CCDC169: variants seen among roughly 807,000 people sequenced by gnomAD.
CCDC169 encodes the protein coiled-coil domain containing 169.
A neutral mutation model predicts 36.0 loss-of-function variants in CCDC169; 30 were observed. The ratio of observed to expected loss-of-function variants is 0.83; its 90% CI spans 0.62 to 1.13. The LOEUF is 1.13. Ranked by LOEUF, CCDC169 falls within the 50% of genes most tolerant of loss-of-function variation. The pLI, the probability that CCDC169 is intolerant of heterozygous loss-of-function variation, is 0.00. For synonymous variants in CCDC169, 85 were observed against 81.5 expected (o/e 1.04, Z -0.23); for missense variants, 245 against 245.9 (o/e 1.00, Z 0.03).
At chr13:36,272,232 AC>A (rs1292022762) in intron 4 of CCDC169, among the ~76,000 whole-genome samples, 16 of 145,560 alleles carry the variant, frequency 1.1e-4, no homozygotes, top group South Asian at 8.9e-4. Context: ...AAAAAAAAAA[AC>A]CATTTGTACC....
At chr13:36,263,632 T>A (rs1363252965) in intron 4 of CCDC169, among the ~76,000 whole-genome samples, 1 of 152,196 alleles carries the variant, frequency 6.6e-6, no homozygotes, top group Non-Finnish European at 1.5e-5. Flanking sequence ...AAATGACACA[T>A]CCTCACTATA....
chr13:36,267,167 A>G (rs1472055525), intron 4 of CCDC169: 2 of 152,192 alleles, frequency 1.3e-5, no homozygotes, highest in Non-Finnish European at 2.9e-5. Context: ...GCCAACCAAG[A>G]GTACTCACTT....
At position 36,261,342 on chromosome 13, in the gene CCDC169, CCT is replaced by C. The variant is rs527463817; in HGVS notation, c.316-7201_316-7200del. Among the ~76,000 whole-genome samples the C allele has an allele frequency of 4.1e-4, 63 of 152,140 alleles. No homozygotes were observed. In the South Asian group the frequency reaches 6.7e-3, roughly 16 times the overall value. ...CCAATAAGAGACGACAACATAAGCCCCTGTTACTGTGCCATCCTTCAAGATCA... is the reference window on the plus strand; with the variant it reads ...CCAATAAGAGACGACAACATAAGCCCGTTACTGTGCCATCCTTCAAGATCA... On this transcript the variant is annotated intron_variant, in intron 4 of 7. Transcript: ENST00000239859.
rs544459166 is a variant in CCDC169, at chr13:36,286,945, C to T, written c.164-3243G>A. 4.7e-3 allele frequency among the ~76,000 whole-genome samples: 714 copies of T among 152,234 alleles called. 3 individuals are homozygous for T. The highest frequency in any genetic ancestry group is 8.1e-3 in the Non-Finnish European group (553 of 68,006). On this transcript the variant is annotated intron_variant, in intron 2 of 7. Coordinates refer to ENST00000239859, the MANE Select transcript of CCDC169 (RefSeq NM_001144981.3). ...TTCTCCTCTCCACTCCTTTCTTTTT[C>T]TCTTTTCCTGTTCAAACCAGGAAAC...
intron 1 of CCDC169, 113 bp downstream of exon 1, chr13:36,297,524 T>G (rs1009232666): frequency 1.4e-5 from 14 of 988,092 alleles, no homozygotes; most frequent in Non-Finnish European, 2.1e-5. Context: ...TGCCCAGGGG[T>G]TAATCACGGC....
At chr13:36,232,967 G>A (rs1264545718) in intron 7 of CCDC169, among the ~76,000 whole-genome samples, 1 of 152,162 alleles carries the variant, frequency 6.6e-6, no homozygotes, top group African/African-American at 2.4e-5. Flanking sequence ...ATGTGTAACT[G>A]TGGGTATGCA....
intron 4 of CCDC169, among the ~76,000 whole-genome samples, chr13:36,279,416 C>T (rs1440597746): frequency 6.6e-6 from 1 of 152,138 alleles, no homozygotes; most frequent in Admixed American, 6.6e-5. Context: ...TGTCTTTAGA[C>T]AGACTGACCC....
chr13:36,281,617 C>T (rs1877552229), intron 4 of CCDC169, among the ~76,000 whole-genome samples: 1 of 152,150 alleles, frequency 6.6e-6, no homozygotes, highest in Non-Finnish European at 1.5e-5. Context: ...CATCCCAGCA[C>T]TTTGGGAGGC....
At chr13:36,287,915 CA>C (rs1288317540) in intron 2 of CCDC169, among the ~76,000 whole-genome samples, 13 of 152,212 alleles carry the variant, frequency 8.5e-5, no homozygotes, top group Admixed American at 2.6e-4. Flanking sequence ...GAGTCATCAG[CA>C]AATACATTTA....
At chr13:36,257,291 C>T (rs977629610) in intron 4 of CCDC169, among the ~76,000 whole-genome samples, 1 of 152,204 alleles carries the variant, frequency 6.6e-6, no homozygotes, top group African/African-American at 2.4e-5. Context: ...GCAGGGCTAT[C>T]TCATAGCCCT....
intron 7 of CCDC169, among the ~76,000 whole-genome samples, chr13:36,244,203 T>C (rs376494897): frequency 2.0e-5 from 3 of 152,034 alleles, no homozygotes; most frequent in Non-Finnish European, 4.4e-5. Context: ...TTGGCTGGTA[T>C]CTGGAAACTT....
At chr13:36,235,486 T>TA (rs1870961467) in intron 7 of CCDC169, among the ~76,000 whole-genome samples, 1 of 151,942 alleles carries the variant, frequency 6.6e-6, no homozygotes, top group South Asian at 2.1e-4. Context: ...CTAAACCTGA[T>TA]AAAGAAAATC....
intron 4 of CCDC169, among the ~76,000 whole-genome samples, chr13:36,273,479 A>C (rs1876369280): frequency 6.6e-6 from 1 of 152,206 alleles, no homozygotes; most frequent in African/African-American, 2.4e-5. Flanking sequence ...GGCCCCACAC[A>C]CATACTGCCT....
At chr13:36,290,019 C>A (rs1185761079) in intron 2 of CCDC169, among the ~76,000 whole-genome samples, 1 of 151,962 alleles carries the variant, frequency 6.6e-6, no homozygotes, top group Non-Finnish European at 1.5e-5. Context: ...CACCTCCAGC[C>A]CCTTAAAAAA....
At chr13:36,281,713 T>C (rs769938828) in intron 4 of CCDC169, among the ~76,000 whole-genome samples, 2 of 151,930 alleles carry the variant, frequency 1.3e-5, no homozygotes. Context: ...AATACAATAA[T>C]TAGCCAGGCA....
chr13:36,245,969 A>G (rs1318463697), intron 7 of CCDC169, among the ~76,000 whole-genome samples: 1 of 152,202 alleles, frequency 6.6e-6, no homozygotes, highest in Non-Finnish European at 1.5e-5. Flanking sequence ...CTTTGATGTT[A>G]CTACTGTAAT....
At chr13:36,229,803 A>T (rs778414272), downstream of CCDC169, among the ~76,000 whole-genome samples, 2 of 152,066 alleles carry the variant, frequency 1.3e-5, no homozygotes, top group Non-Finnish European at 2.9e-5. Context: ...TTGGCCTCCC[A>T]AAGTACTAGG....
At chr13:36,281,136 T>C (rs1877478467) in intron 4 of CCDC169, 11 of 363,890 alleles carry the variant, frequency 3.0e-5, no homozygotes, top group South Asian at 2.3e-4. Context: ...GAAGCAGCCA[T>C]CTTTAAACAC....
At chr13:36,283,971 T>C (rs1177890333) in intron 2 of CCDC169, among the ~76,000 whole-genome samples, 1 of 152,100 alleles carries the variant, frequency 6.6e-6, no homozygotes, top group East Asian at 1.9e-4. Flanking sequence ...CCACCTGCTT[T>C]TTTCTTTTAC....
Sources: allele counts gnomAD v4.1 joint callset (sites outside exome capture counted in the v4.1 genomes callset), GRCh38; gene constraint gnomAD v4.1.1; transcripts MANE v1.5; gene names NCBI Gene and HGNC (gene_info 2026-07-23, HGNC 2026-07-21).